The following FHIT variants were observed in gnomAD, a reference collection of about 807,000 sequenced individuals.
The protein encoded by FHIT is bis(5'-adenosyl)-triphosphatase.
In FHIT, 19 loss-of-function variants were observed where a neutral mutation model predicts 17.9. The ratio of observed to expected loss-of-function variants is 1.06; its 90% CI spans 0.74 to 1.56. FHIT has a LOEUF of 1.56. Among genes scored for constraint, FHIT ranks in the 40% most tolerant of loss-of-function variants. FHIT has a pLI of 0.00. For missense variants in FHIT, 248 were observed against 189.2 expected (o/e 1.31, Z -1.82); for synonymous variants, 81 against 69.7 (o/e 1.16, Z -0.81).
intron 5 of FHIT, among the ~76,000 whole-genome samples, chr3:60,057,972 G>A (rs1414687662): frequency 4.6e-5 from 7 of 151,822 alleles, no homozygotes; most frequent in African/African-American, 7.3e-5. Flanking sequence ...GACCTAGACC[G>A]AACCCCTAGT....
intron 4 of FHIT, among the ~76,000 whole-genome samples, chr3:60,812,944 C>A (rs1701619866): frequency 6.6e-6 from 1 of 152,016 alleles, no homozygotes; most frequent in South Asian, 2.1e-4. Context: ...ACTTATATAA[C>A]TATTGTAAGC....
chr3:60,631,580 G>A (rs1553682432), intron 4 of FHIT, among the ~76,000 whole-genome samples: 1 of 152,120 alleles, frequency 6.6e-6, no homozygotes, highest in East Asian at 1.9e-4. Flanking sequence ...GAGAAGAGGG[G>A]AAGTTGGCAG....
intron 3 of FHIT, among the ~76,000 whole-genome samples, chr3:60,921,975 G>T (rs1164841938): frequency 6.6e-6 from 1 of 152,214 alleles, no homozygotes; most frequent in Non-Finnish European, 1.5e-5. Flanking sequence ...AGGCTTGAAA[G>T]CTAAACAGAG....
At chr3:60,338,016 AAAT>A (rs749638734) in intron 5 of FHIT, among the ~76,000 whole-genome samples, 1 of 152,200 alleles carries the variant, frequency 6.6e-6, no homozygotes, top group Non-Finnish European at 1.5e-5. Flanking sequence ...GTAATTTTTC[AAAT>A]AATGTTTCTT....
chr3:61,062,506 C>T (rs1315795557), intron 2 of FHIT, among the ~76,000 whole-genome samples: 1 of 152,098 alleles, frequency 6.6e-6, no homozygotes, highest in Admixed American at 6.6e-5. Context: ...ATGGATGAAT[C>T]TCTTGAAACC....
chr3:60,768,272 A>G (rs1381261497), intron 4 of FHIT, among the ~76,000 whole-genome samples: 2 of 152,202 alleles, frequency 1.3e-5, no homozygotes, highest in African/African-American at 4.8e-5. Context: ...GAAGAAAAAG[A>G]GGGGAAGACT....
chr3:60,194,926 G>A (rs1219790286), intron 5 of FHIT, among the ~76,000 whole-genome samples: 1 of 152,168 alleles, frequency 6.6e-6, no homozygotes, highest in African/African-American at 2.4e-5. Flanking sequence ...AGCACCTTAG[G>A]AGGCCGAGGA....
intron 2 of FHIT, among the ~76,000 whole-genome samples, chr3:61,042,637 G>A (rs890244316): frequency 4.6e-5 from 7 of 151,940 alleles, no homozygotes; most frequent in South Asian, 2.1e-4. Context: ...TCAGCCGTTC[G>A]AGACCAGCCT....
intron 5 of FHIT, among the ~76,000 whole-genome samples, chr3:60,521,409 A>T (rs1013489325): frequency 6.6e-6 from 1 of 151,842 alleles, no homozygotes; most frequent in South Asian, 2.1e-4. Flanking sequence ...CACCACACCC[A>T]GCTAATTTTT....
chr3:61,086,128 G>A (rs1439754666), intron 2 of FHIT, among the ~76,000 whole-genome samples: 1 of 151,970 alleles, frequency 6.6e-6, no homozygotes, highest in Admixed American at 6.6e-5. Flanking sequence ...AGGACTTCCA[G>A]TACAATGCTG....
At chr3:60,482,292 GA>G (rs1030574718) in intron 5 of FHIT, among the ~76,000 whole-genome samples, 16 of 152,164 alleles carry the variant, frequency 1.1e-4, no homozygotes, top group African/African-American at 2.6e-4. Flanking sequence ...GGATATTCAG[GA>G]CATAAACTCA....
intron 8 of FHIT, among the ~76,000 whole-genome samples, chr3:59,866,481 T>C (rs919774990): frequency 6.6e-6 from 1 of 152,128 alleles, no homozygotes; most frequent in Non-Finnish European, 1.5e-5. Context: ...AACGGGGGCA[T>C]GACAAAATCT....
intron 4 of FHIT, among the ~76,000 whole-genome samples, chr3:60,741,855 T>G (rs1288242659): frequency 6.6e-6 from 1 of 152,212 alleles, no homozygotes; most frequent in African/African-American, 2.4e-5. Context: ...GTATAATGTA[T>G]GGTATAATAT....
Position 60,470,431 on chromosome 3 carries a change from A to G in FHIT, c.103+66429T>C, listed in dbSNP as rs75311553. Among the ~76,000 whole-genome samples, 1,442 of 151,988 alleles carry G rather than the reference A, an allele frequency of 9.5e-3. 15 individuals are homozygous for G. Among genetic ancestry groups the G allele is most frequent in the East Asian group, 0.038 (192 of 5,112 alleles). On this transcript the variant is annotated intron_variant, in intron 5 of 9. Coordinates refer to ENST00000492590, the MANE Select transcript of FHIT (RefSeq NM_002012.4). ...AAGCTGGCACCCAAACCATAAGACA[A>G]AGTCCTTTCTGCCCTTCCCTCTCCT...
At chr3:60,906,331 A>G (rs145453104) in intron 3 of FHIT, among the ~76,000 whole-genome samples, 1 of 152,338 alleles carries the variant, frequency 6.6e-6, no homozygotes, top group Non-Finnish European at 1.5e-5. Context: ...AATGAGGGAA[A>G]GTGCGGAAGA....
chr3:60,697,123 T>C (rs1200602320), intron 4 of FHIT, among the ~76,000 whole-genome samples: 1 of 152,192 alleles, frequency 6.6e-6, no homozygotes, highest in Non-Finnish European at 1.5e-5. Flanking sequence ...ATATTTCACC[T>C]TTACAAATAC....
intron 3 of FHIT, among the ~76,000 whole-genome samples, chr3:60,883,003 C>G (rs1705045830): frequency 6.6e-6 from 1 of 152,032 alleles, no homozygotes; most frequent in African/African-American, 2.4e-5. Flanking sequence ...AATGAGACAA[C>G]AAAATCAGTA....
intron 5 of FHIT, among the ~76,000 whole-genome samples, chr3:60,458,076 T>C (rs2032224377): frequency 6.6e-6 from 1 of 152,148 alleles, no homozygotes; most frequent in African/African-American, 2.4e-5. Flanking sequence ...AGCCATCCCA[T>C]TACTGGGTAT....
At chr3:60,116,727 A>C (rs199997962) in intron 5 of FHIT, among the ~76,000 whole-genome samples, 1 of 152,154 alleles carries the variant, frequency 6.6e-6, no homozygotes, top group East Asian at 1.9e-4. Context: ...CAGGTAAGGC[A>C]GATTGGCCAA....
Sources: gnomAD v4.1 joint callset for allele counts (sites outside exome capture counted in the v4.1 genomes callset) on GRCh38, gnomAD v4.1.1 for gene constraint, MANE v1.5 for transcripts, NCBI Gene and HGNC (gene_info 2026-07-23, HGNC 2026-07-21) for gene names.